Variants in PGAP1 observed in about 807,000 individuals in gnomAD.
PGAP1 encodes post-GPI attachment to proteins inositol deacylase 1.
PGAP1 carries 76 observed loss-of-function variants against 127.0 expected under a neutral mutation model. The ratio of observed to expected loss-of-function variants is 0.60; its 90% confidence interval spans 0.50 to 0.72. PGAP1 has a LOEUF of 0.72. PGAP1 is among the 30% of genes least tolerant of loss of function. PGAP1 has a pLI of 0.00. For synonymous variants in PGAP1, 362 were observed against 366.5 expected (o/e 0.99, Z 0.14); for missense variants, 982 against 1,071.3 (o/e 0.92, Z 1.16).
At chr2:196,854,935 A>C in intron 20 of PGAP1, among the ~76,000 whole-genome samples, 1 of 151,190 alleles carries the variant, frequency 6.6e-6, no homozygotes, top group Admixed American at 6.6e-5. Flanking sequence ...GTGCCACCAT[A>C]CCCAGCTAAT....
chr2:196,863,594 G>T (rs904599851), intron 20 of PGAP1, among the ~76,000 whole-genome samples: 1 of 152,110 alleles, frequency 6.6e-6, no homozygotes, highest in Non-Finnish European at 1.5e-5. Context: ...GATGAAGAAA[G>T]AATGGTTAAT....
At chr2:196,913,143 G>C in intron 3 of PGAP1, 90 bp from the exon 4 acceptor site, 1 of 1,205,008 alleles carries the variant, frequency 8.3e-7, no homozygotes, top group African/African-American at 1.5e-5. Flanking sequence ...CAATTTTATA[G>C]GAAAAAGAAA....
chr2:196,857,404 CCTCAGTG>C (rs1246000118), intron 20 of PGAP1, among the ~76,000 whole-genome samples: 1 of 152,178 alleles, frequency 6.6e-6, no homozygotes, highest in Non-Finnish European at 1.5e-5. Context: ...TTCAAACATC[CCTCAGTG>C]CTCAAATGTG....
chr2:196,902,493 G>A, intron 5 of PGAP1, 92 bp downstream of exon 5: 3 of 1,121,524 alleles, frequency 2.7e-6, no homozygotes, highest in Non-Finnish European at 3.8e-6. Flanking sequence ...TAACTCAGCA[G>A]TCATTACCAT....
At chr2:196,867,475 A>AGGG (rs1338330319) in intron 19 of PGAP1, among the ~76,000 whole-genome samples, 1 of 152,138 alleles carries the variant, frequency 6.6e-6, no homozygotes, top group Non-Finnish European at 1.5e-5. Flanking sequence ...GGGCCTGTCC[A>AGGG]GGGGTGGGCG....
At chr2:196,914,749 C>T (rs893376368) in intron 3 of PGAP1, among the ~76,000 whole-genome samples, 1 of 151,982 alleles carries the variant, frequency 6.6e-6, no homozygotes, top group African/African-American at 2.4e-5. Context: ...AGACTTTCAC[C>T]CCAACATGCC....
At chr2:196,851,440 C>G (rs1417543040) in intron 20 of PGAP1, among the ~76,000 whole-genome samples, 2 of 152,126 alleles carry the variant, frequency 1.3e-5, no homozygotes, top group Non-Finnish European at 2.9e-5. Context: ...ATGTAATCCT[C>G]CTCATTTTTT....
chr2:196,892,245 G>A, intron 9 of PGAP1, 101 bp downstream of exon 9: 1 of 575,546 alleles, frequency 1.7e-6, no homozygotes. Flanking sequence ...TGGGAAAATG[G>A]CATGCAGTTA....
intron 20 of PGAP1, among the ~76,000 whole-genome samples, chr2:196,858,888 G>T (rs544401920): frequency 6.6e-6 from 1 of 151,984 alleles, no homozygotes; most frequent in African/African-American, 2.4e-5. Context: ...TGATACCACA[G>T]AAATAGAAAG....
At chr2:196,887,466 G>T (rs1701951737) in intron 10 of PGAP1, among the ~76,000 whole-genome samples, 1 of 152,148 alleles carries the variant, frequency 6.6e-6, no homozygotes, top group African/African-American at 2.4e-5. Flanking sequence ...TTTTAAGGAA[G>T]TAAGAGCAAT....
At chr2:196,852,523 AAATAT>A (rs1700751849) in intron 20 of PGAP1, among the ~76,000 whole-genome samples, 1 of 151,916 alleles carries the variant, frequency 6.6e-6, no homozygotes, top group African/African-American at 2.4e-5. Flanking sequence ...AATGTATATA[AAATAT>A]ATCAAAAATA....
At position 196,846,369 on chromosome 2, in the gene PGAP1, C is replaced by T. The variant is rs7590924; in HGVS notation, c.2151-352G>A. On this transcript the variant is annotated intron_variant, in intron 22 of 26. Coordinates refer to ENST00000354764, the MANE Select transcript of PGAP1 (RefSeq NM_024989.4). ...TCTATTTCTTAAAGCCTAGAGACCA[C>T]TCAGACCCTTGATGGTGTTACTATC... is the stretch of plus-strand genomic sequence containing the variant. Among the ~76,000 whole-genome samples, 476 of 152,256 alleles carry T rather than the reference C, an allele frequency of 3.1e-3. 3 individuals are homozygous for T. Among genetic ancestry groups the T allele is most frequent in the African/African-American group, 0.011 (442 of 41,554 alleles).
At chr2:196,860,183 A>G (rs147062344) in intron 20 of PGAP1, among the ~76,000 whole-genome samples, 1 of 152,308 alleles carries the variant, frequency 6.6e-6, no homozygotes, top group Non-Finnish European at 1.5e-5. Context: ...AAGATACAAA[A>G]TCAACATATA....
intron 1 of PGAP1, among the ~76,000 whole-genome samples, chr2:196,922,882 G>A (rs1703247700): frequency 6.6e-6 from 1 of 151,422 alleles, no homozygotes; most frequent in Non-Finnish European, 1.5e-5. Flanking sequence ...CAGAGACAGG[G>A]TTTCGCCATG....
intron 1 of PGAP1, among the ~76,000 whole-genome samples, chr2:196,925,631 C>T (rs938573718): frequency 3.3e-5 from 5 of 152,092 alleles, no homozygotes; most frequent in Non-Finnish European, 5.9e-5. Flanking sequence ...TTCAAAATGG[C>T]ATGGAAGCGG....
intron 26 of PGAP1, among the ~76,000 whole-genome samples, chr2:196,842,462 T>C (rs1270727031): frequency 6.6e-6 from 1 of 152,172 alleles, no homozygotes. Context: ...TCCACTTCTC[T>C]TGTTTGCTTT....
At chr2:196,912,669 T>C (rs1260686395) in intron 4 of PGAP1, among the ~76,000 whole-genome samples, 1 of 150,536 alleles carries the variant, frequency 6.6e-6, no homozygotes, top group Non-Finnish European at 1.5e-5. Context: ...TAAGATGCTA[T>C]GGACAGACAA....
intron 2 of PGAP1, among the ~76,000 whole-genome samples, chr2:196,918,181 C>T (rs1275866030): frequency 1.3e-5 from 2 of 152,078 alleles, no homozygotes; most frequent in Non-Finnish European, 2.9e-5. Context: ...ATCACACCTA[C>T]CAGGTTGCTT....
At chr2:196,875,090 CA>C (rs1396934176) in intron 14 of PGAP1, among the ~76,000 whole-genome samples, 1 of 152,124 alleles carries the variant, frequency 6.6e-6, no homozygotes, top group East Asian at 1.9e-4. Flanking sequence ...CAGTATTCTT[CA>C]AAGGTTTCAA....
Sources: gnomAD v4.1 joint callset for allele counts (sites outside exome capture counted in the v4.1 genomes callset) on GRCh38, gnomAD v4.1.1 for gene constraint, MANE v1.5 for transcripts, NCBI Gene and HGNC (gene_info 2026-07-23, HGNC 2026-07-21) for gene names.